Variants in UMAD1 observed in about 807,000 individuals in gnomAD.
UMAD1 encodes UBAP1-MVB12-associated (UMA) domain containing 1, also known as UBAP1-MVB12-associated (UMA)-domain containing protein 1.
In UMAD1, 8 loss-of-function variants were observed where a neutral mutation model predicts 6.1. The observed-to-expected ratio is 1.30, with a 90% CI of 0.76 to 2.35. The LOEUF (loss-of-function observed/expected upper bound fraction) is 2.35, where lower values mean the gene tolerates loss of function less well. Among genes scored for constraint, UMAD1 ranks in the 30% most tolerant of loss-of-function variants. The pLI, the probability that UMAD1 is intolerant of heterozygous loss-of-function variation, is 0.00. For synonymous variants in UMAD1, 56 were observed against 31.4 expected (o/e 1.78, Z -2.61); for missense variants, 130 against 78.4 (o/e 1.66, Z -2.49).
At chr7:7,807,044 G>A (rs1313661554) in intron 3 of UMAD1, among the ~76,000 whole-genome samples, 1 of 152,116 alleles carries the variant, frequency 6.6e-6, no homozygotes, top group Non-Finnish European at 1.5e-5. Flanking sequence ...TAGACATGGT[G>A]GTAGGGAGGA....
At chr7:7,694,562 C>T (rs1304594011) in intron 2 of UMAD1, among the ~76,000 whole-genome samples, 2 of 150,666 alleles carry the variant, frequency 1.3e-5, no homozygotes, top group East Asian at 3.9e-4. Flanking sequence ...ACTCTGGTAA[C>T]CATCATTCTA....
intron 2 of UMAD1, among the ~76,000 whole-genome samples, chr7:7,726,781 C>G (rs1215988297): frequency 6.6e-6 from 1 of 152,190 alleles, no homozygotes; most frequent in African/African-American, 2.4e-5. Context: ...AGATTGCCAG[C>G]TGTACCCTTT....
intron 1 of UMAD1, among the ~76,000 whole-genome samples, chr7:7,673,098 C>T (rs1187305968): frequency 1.3e-5 from 2 of 152,184 alleles, no homozygotes; most frequent in South Asian, 4.1e-4. Flanking sequence ...AGAGGTTGCA[C>T]TGTGAACTTC....
chr7:7,775,653 C>T (rs1179064496), intron 2 of UMAD1, among the ~76,000 whole-genome samples: 3 of 152,196 alleles, frequency 2.0e-5, no homozygotes, highest in East Asian at 3.9e-4. Context: ...ACTGACCATA[C>T]CAAATGTTGA....
intron 2 of UMAD1, among the ~76,000 whole-genome samples, chr7:7,783,629 A>T (rs963808212): frequency 2.0e-5 from 3 of 152,220 alleles, no homozygotes; most frequent in African/African-American, 7.2e-5. Flanking sequence ...AAAACGAACT[A>T]TTGGGAATTA....
intron 1 of UMAD1, among the ~76,000 whole-genome samples, chr7:7,672,665 C>T (rs892061015): frequency 5.3e-5 from 8 of 152,174 alleles, no homozygotes; most frequent in Non-Finnish European, 7.3e-5. Flanking sequence ...CTCTCCCTGT[C>T]GTCCTGTGAG....
chr7:7,650,902 T>C (rs1283457574), intron 1 of UMAD1, among the ~76,000 whole-genome samples: 1 of 152,214 alleles, frequency 6.6e-6, no homozygotes, highest in Non-Finnish European at 1.5e-5. Flanking sequence ...CAACACTTTA[T>C]TATAACCTTC....
chr7:7,752,922 A>T (rs1438445098), intron 2 of UMAD1, among the ~76,000 whole-genome samples: 2 of 152,124 alleles, frequency 1.3e-5, no homozygotes, highest in Non-Finnish European at 2.9e-5. Flanking sequence ...GTTGCATAAG[A>T]TTCAGTTACC....
At chr7:7,731,484 C>T (rs550259517) in intron 2 of UMAD1, among the ~76,000 whole-genome samples, 3 of 141,784 alleles carry the variant, frequency 2.1e-5, no homozygotes, top group African/African-American at 8.1e-5. Flanking sequence ...AACAAACAAC[C>T]CCCCCCCAAA....
intron 2 of UMAD1, among the ~76,000 whole-genome samples, chr7:7,757,136 G>C (rs913480604): frequency 6.6e-6 from 1 of 152,196 alleles, no homozygotes; most frequent in African/African-American, 2.4e-5. Context: ...AATCCAGAGA[G>C]AGTATCCATT....
chr7:7,876,105 A>G (rs1784414193), intron 3 of UMAD1, among the ~76,000 whole-genome samples: 1 of 152,216 alleles, frequency 6.6e-6, no homozygotes, highest in Non-Finnish European at 1.5e-5. Context: ...TAAGTGAGAA[A>G]AGGCCTCATT....
intron 3 of UMAD1, among the ~76,000 whole-genome samples, chr7:7,870,541 A>C (rs143967588): frequency 2.0e-5 from 3 of 152,212 alleles, no homozygotes; most frequent in Admixed American, 6.5e-5. Context: ...AAAAATCACA[A>C]GACTTTGTGT....
intron 1 of UMAD1, among the ~76,000 whole-genome samples, chr7:7,670,465 T>A (rs1444887533): frequency 6.6e-6 from 1 of 152,140 alleles, no homozygotes; most frequent in Non-Finnish European, 1.5e-5. Context: ...TCCTATTATG[T>A]CTCCATAAAA....
chr7:7,692,244 G>C (rs1403484997), intron 2 of UMAD1: 1 of 152,266 alleles, frequency 6.6e-6, no homozygotes, highest in African/African-American at 2.4e-5. Flanking sequence ...GGGAGGTATA[G>C]TCTAGTCCTC....
chr7:7,819,089 A>G (rs995359599), intron 3 of UMAD1, among the ~76,000 whole-genome samples: 2 of 152,138 alleles, frequency 1.3e-5, no homozygotes, highest in African/African-American at 4.8e-5. Context: ...ACCCCAGGTG[A>G]TCCACCCACC....
At chr7:7,771,558 T>A (rs1782102470) in intron 2 of UMAD1, among the ~76,000 whole-genome samples, 1 of 152,216 alleles carries the variant, frequency 6.6e-6, no homozygotes. Context: ...AACATTTTCT[T>A]GTACTTTAAA....
chr7:7,790,510 CCTT>C (rs1476138881), intron 2 of UMAD1, among the ~76,000 whole-genome samples: 2 of 152,282 alleles, frequency 1.3e-5, no homozygotes, highest in African/African-American at 4.8e-5. Flanking sequence ...CCATTCAGGC[CCTT>C]CTTCTCAGGC....
intron 1 of UMAD1, among the ~76,000 whole-genome samples, chr7:7,667,849 T>C (rs1427252955): frequency 1.3e-5 from 2 of 152,204 alleles, no homozygotes; most frequent in Admixed American, 1.3e-4. Context: ...TTGGTGCCAA[T>C]AGAATTTGGT....
At chr7:7,780,615 C>G (rs1782325250) in intron 2 of UMAD1, among the ~76,000 whole-genome samples, 1 of 152,188 alleles carries the variant, frequency 6.6e-6, no homozygotes, top group Non-Finnish European at 1.5e-5. Context: ...CCTCCCAACC[C>G]ACTCCTTTCA....
Sources: gnomAD v4.1 joint callset for allele counts (sites outside exome capture counted in the v4.1 genomes callset) on GRCh38, gnomAD v4.1.1 for gene constraint, MANE v1.5 for transcripts, NCBI Gene and HGNC (gene_info 2026-07-23, HGNC 2026-07-21) for gene names.